The following TICAM2 variants were observed in gnomAD, a reference collection of about 807,000 sequenced individuals.
TICAM2 encodes TIR domain containing adaptor molecule 2, also known as TIR domain-containing adapter molecule 2.
A neutral mutation model predicts 7.3 loss-of-function variants in TICAM2; 8 were observed. The ratio of observed to expected loss-of-function variants is 1.10; its 90% CI spans 0.65 to 1.99. TICAM2 has a LOEUF of 1.99. TICAM2 is among the 30% of genes most tolerant of loss of function. The pLI, the probability that TICAM2 is intolerant of heterozygous loss-of-function variation, is 0.00. For missense variants in TICAM2, 304 were observed against 278.8 expected (o/e 1.09, Z -0.65); for synonymous variants, 113 against 99.6 (o/e 1.13, Z -0.80).
At chr5:115,590,252 G>A (rs1423968157) in intron 1 of TICAM2, among the ~76,000 whole-genome samples, 2 of 152,154 alleles carry the variant, frequency 1.3e-5, no homozygotes, top group East Asian at 1.9e-4. Context: ...TGGGGCTTCA[G>A]TGAGCCATGA....
intron 1 of TICAM2, among the ~76,000 whole-genome samples, chr5:115,595,668 T>C (rs2127204607): frequency 6.6e-6 from 1 of 152,362 alleles, no homozygotes; most frequent in South Asian, 2.1e-4. Flanking sequence ...AATAACATTC[T>C]AGGCCCTTTA....
At chr5:115,586,302 T>C (rs1324853037) in intron 1 of TICAM2, among the ~76,000 whole-genome samples, 2 of 152,282 alleles carry the variant, frequency 1.3e-5, no homozygotes, top group East Asian at 1.9e-4. Context: ...GGATAGTTGA[T>C]GATCTGTCTT....
chr5:115,581,585 C>A (rs1229879251), intron 1 of TICAM2: 1 of 372,436 alleles, frequency 2.7e-6, no homozygotes, highest in Non-Finnish European at 4.8e-6. Context: ...ATTAGCACTA[C>A]AAACCTCCAG....
At chr5:115,590,063 T>C (rs1161132382) in intron 1 of TICAM2, among the ~76,000 whole-genome samples, 1 of 152,176 alleles carries the variant, frequency 6.6e-6, no homozygotes, top group East Asian at 1.9e-4. Context: ...TATGTGAATA[T>C]AGGGTCTGGT....
chr5:115,600,019 G>A (rs1382038386), intron 1 of TICAM2, among the ~76,000 whole-genome samples: 2 of 152,166 alleles, frequency 1.3e-5, no homozygotes, highest in Non-Finnish European at 2.9e-5. Context: ...AGGTAGGAGA[G>A]GACTGTGGCT....
At chr5:115,601,408 G>A (rs568477504) in intron 1 of TICAM2, among the ~76,000 whole-genome samples, 162 of 152,182 alleles carry the variant, frequency 1.1e-3, no homozygotes, top group Middle Eastern at 3.4e-3. Flanking sequence ...CTAATCTAAG[G>A]AATACTAAAC....
chr5:115,597,476 C>T (rs549457610), intron 1 of TICAM2, among the ~76,000 whole-genome samples: 14 of 152,102 alleles, frequency 9.2e-5, no homozygotes, highest in African/African-American at 3.4e-4. Flanking sequence ...TTCATATGAT[C>T]GAATCCTATT....
rs1219539439 is a variant in TICAM2 at position 115,579,638 on chromosome 5, T to C, written c.*911A>G. On this transcript the variant is annotated 3_prime_UTR_variant, in exon 2 of 2. Transcript: ENST00000427199. ...TCCTTCTATCCAAAGTCTTTATAAA[T>C]AACCTATCACACACACACATGCACA... is the stretch of plus-strand genomic sequence containing the variant. 2 of 152,204 alleles carry C rather than the reference T, an allele frequency of 1.3e-5. No homozygotes were observed. The highest frequency in any genetic ancestry group is 2.9e-5 in the Non-Finnish European group (2 of 68,040). The allele number at this position is 152,204 out of a possible 1,614,324, so 9.4% of individuals were successfully genotyped here.
intron 1 of TICAM2, among the ~76,000 whole-genome samples, chr5:115,588,925 C>T (rs1755207770): frequency 6.6e-6 from 1 of 152,096 alleles, no homozygotes; most frequent in South Asian, 2.1e-4. Flanking sequence ...TTTCTAGAAA[C>T]CCAACCTAGA....
chr5:115,590,878 A>T (rs1755276129), intron 1 of TICAM2, among the ~76,000 whole-genome samples: 1 of 152,114 alleles, frequency 6.6e-6, no homozygotes, highest in South Asian at 2.1e-4. Context: ...GATCCATTTA[A>T]CTATACCATC....
intron 1 of TICAM2, among the ~76,000 whole-genome samples, chr5:115,583,905 T>C (rs1391692421): frequency 6.6e-6 from 1 of 152,180 alleles, no homozygotes; most frequent in African/African-American, 2.4e-5. Flanking sequence ...GCTTAAAAAA[T>C]TTAGGTTTCA....
chr5:115,601,374 A>T (rs1418949548), intron 1 of TICAM2, among the ~76,000 whole-genome samples: 1 of 152,212 alleles, frequency 6.6e-6, no homozygotes, highest in Non-Finnish European at 1.5e-5. Flanking sequence ...AATGCGTCTT[A>T]CCATCAGGCT....
chr5:115,599,852 C>CT (rs574085787), intron 1 of TICAM2, among the ~76,000 whole-genome samples: 39 of 149,104 alleles, frequency 2.6e-4, no homozygotes, highest in South Asian at 1.1e-3. Context: ...TTTTTCTTTT[C>CT]TTTTTTTTTT....
At chr5:115,593,701 A>G (rs1049442286) in intron 1 of TICAM2, among the ~76,000 whole-genome samples, 1 of 152,228 alleles carries the variant, frequency 6.6e-6, no homozygotes, top group African/African-American at 2.4e-5. Context: ...GGAAATATAA[A>G]GAGTAAGAAT....
intron 1 of TICAM2, among the ~76,000 whole-genome samples, chr5:115,591,720 T>G (rs1456649296): frequency 6.6e-6 from 1 of 151,332 alleles, no homozygotes; most frequent in Non-Finnish European, 1.5e-5. Flanking sequence ...AAAAAACCCT[T>G]CAGAATAAGG....
intron 1 of TICAM2, among the ~76,000 whole-genome samples, chr5:115,600,222 C>T (rs536039742): frequency 1.3e-5 from 2 of 152,244 alleles, no homozygotes; most frequent in South Asian, 2.1e-4. Flanking sequence ...AGAGGGAGAA[C>T]TTGGTGAATC....
Position 115,596,505 on chromosome 5 carries a change from G to A in TICAM2, c.-60+5592C>T, listed in dbSNP as rs58527582. Among the ~76,000 whole-genome samples, 1,316 of 152,290 alleles carry A rather than the reference G, an allele frequency of 8.6e-3. 14 individuals carry two copies. The highest frequency in any genetic ancestry group is 0.03 in the African/African-American group (1,253 of 41,554). On this transcript the variant is annotated intron_variant, in intron 1 of 1. Transcript: ENST00000427199. Reference sequence around the variant, plus strand: ...CTTTATGGGTCTGTAAGAGTTGTCAGAATCAAAGTGGAGTTACTAGTGTTA... The same window carrying A: ...CTTTATGGGTCTGTAAGAGTTGTCAAAATCAAAGTGGAGTTACTAGTGTTA...
At position 115,580,234 on chromosome 5, in the gene TICAM2, G is replaced by C. The variant is rs1433813411; in HGVS notation, c.*315C>G. 4.6e-6 allele frequency: 1 copy of C among 215,786 alleles called. No individual in the cohort carries two copies. The allele number at this position is 215,786 out of a possible 1,614,324, so 13.4% of individuals were successfully genotyped here. A position where few individuals can be genotyped will look rare whatever the true frequency, so the allele number is the denominator to read the frequency against. On this transcript the variant is annotated 3_prime_UTR_variant, in exon 2 of 2. Coordinates refer to ENST00000427199, the MANE Select transcript of TICAM2 (RefSeq NM_021649.7). ...AAAGTGTTGTCACATTTTTAAAAAT[G>C]TCTGTCATACAAGTTTTTGTTCAAG...
At chr5:115,592,401 A>T (rs1755341798) in intron 1 of TICAM2, among the ~76,000 whole-genome samples, 1 of 152,236 alleles carries the variant, frequency 6.6e-6, no homozygotes, top group Non-Finnish European at 1.5e-5. Context: ...GTGCAGGATT[A>T]CTACATAGGT....
Sources: gnomAD v4.1 joint callset for allele counts (sites outside exome capture counted in the v4.1 genomes callset) on GRCh38, gnomAD v4.1.1 for gene constraint, MANE v1.5 for transcripts, NCBI Gene and HGNC (gene_info 2026-07-23, HGNC 2026-07-21) for gene names.